SEMA3F: variants seen among roughly 807,000 people sequenced by gnomAD.
SEMA3F encodes semaphorin 3F.
In SEMA3F, 30 loss-of-function variants were observed where a neutral mutation model predicts 98.5. The ratio of observed to expected loss-of-function variants is 0.30; its 90% confidence interval spans 0.23 to 0.41. SEMA3F has a LOEUF of 0.41. SEMA3F is among the 10% of genes least tolerant of loss of function. The pLI, the probability that SEMA3F is intolerant of heterozygous loss-of-function variation, is 1.00. For missense variants in SEMA3F, 866 were observed against 1,119.3 expected (o/e 0.77, Z 3.23); for synonymous variants, 380 against 444.8 (o/e 0.85, Z 1.83).
In SEMA3F at chr3:50,172,341, T is replaced by A. The variant is rs1216378558; in HGVS notation, c.113-1452T>A. Reference sequence around the variant, plus strand: ...ATCCTCATTACAGTGTTCCCTCTTTTGCTGAGCTAAAGATAGCTGGGGGTG... The same window carrying A: ...ATCCTCATTACAGTGTTCCCTCTTTAGCTGAGCTAAAGATAGCTGGGGGTG... On this transcript the variant is annotated intron_variant, in intron 2 of 18. Coordinates refer to ENST00000002829, the MANE Select transcript of SEMA3F (RefSeq NM_004186.5). Among the ~76,000 whole-genome samples, 3 of 152,194 alleles carry A rather than the reference T, an allele frequency of 2.0e-5. No homozygotes were observed. In the East Asian group the frequency reaches 5.8e-4, roughly 29 times the overall value.
chr3:50,173,557 G>A (rs1266240923), intron 2 of SEMA3F: 14 of 529,258 alleles, frequency 2.6e-5, no homozygotes, highest in Admixed American at 1.0e-4. Flanking sequence ...CAGGAGAATC[G>A]CTTGAACCCA....
At chr3:50,172,711 G>A (rs958189511) in intron 2 of SEMA3F, among the ~76,000 whole-genome samples, 1 of 152,150 alleles carries the variant, frequency 6.6e-6, no homozygotes, top group Admixed American at 6.5e-5. Context: ...GGGGTCCGTA[G>A]GGCAGTGTGT....
Position 50,185,717 on chromosome 3 carries a change from T to C in SEMA3F, c.1587+10T>C. 1 of 1,614,158 alleles carries C rather than the reference T, an allele frequency of 6.2e-7. No homozygotes were observed. The highest frequency in any genetic ancestry group is 8.5e-7 in the Non-Finnish European group (1 of 1,179,988). Reference sequence around the variant, plus strand: ...CATCTCTTCTAAGAGGGTAAGCCTTTGGCGAGGTGAGCCAAGGTTGGGGAC... The same window carrying C: ...CATCTCTTCTAAGAGGGTAAGCCTTCGGCGAGGTGAGCCAAGGTTGGGGAC... On this transcript the variant is annotated intron_variant, in intron 15 of 18. Transcript: ENST00000002829.
chr3:50,161,061 A>G (rs1698187820), intron 2 of SEMA3F, among the ~76,000 whole-genome samples: 1 of 152,130 alleles, frequency 6.6e-6, no homozygotes, highest in Admixed American at 6.5e-5. Context: ...TTCAGAGCAG[A>G]TTAATAAATC....
At chr3:50,186,879 C>T (rs1334212028) in intron 18 of SEMA3F, 133 bp downstream of exon 18, 1 of 986,210 alleles carries the variant, frequency 1.0e-6, no homozygotes, top group Non-Finnish European at 1.4e-6. Flanking sequence ...CATGCAAATC[C>T]TTTGAGTGAA....
At chr3:50,157,983 A>G (rs1698060675) in intron 1 of SEMA3F, among the ~76,000 whole-genome samples, 3 of 152,132 alleles carry the variant, frequency 2.0e-5, no homozygotes, top group Non-Finnish European at 4.4e-5. Context: ...GCCCCACCCC[A>G]CTAGCAGGTC....
At chr3:50,183,146 G>A (rs749540187) in intron 10 of SEMA3F, 40 bp from the exon 11 acceptor site, 16 of 1,604,150 alleles carry the variant, frequency 1.0e-5, no homozygotes, top group East Asian at 2.2e-5. Flanking sequence ...AGGGGCTCCC[G>A]CCCATGGCAC....
intron 13 of SEMA3F, among the ~76,000 whole-genome samples, chr3:50,185,058 ATG>A (rs1277477568): frequency 1.3e-5 from 2 of 152,142 alleles, no homozygotes; most frequent in East Asian, 3.9e-4. Context: ...CTGGGGACTT[ATG>A]TATGTATGGC....
In SEMA3F at chr3:50,183,207, C is replaced by T. The variant is rs1298067343; in HGVS notation, c.1040C>T (p.Thr347Ile). The change falls in exon 11 of 19, where the codon ACC (threonine) becomes ATC (isoleucine). Residue 347 changes from threonine to isoleucine, a missense_variant. Thr to Ile is a moderately conservative substitution (Grantham distance 89). This residue lies in a region of SEMA3F where 374 missense variants were observed against 582.8 expected (regional missense o/e 0.64). Coordinates refer to ENST00000002829, the MANE Select transcript of SEMA3F (RefSeq NM_004186.5). The stretch of plus-strand genomic sequence containing the variant: ...CCAGAGGACGTGTTTGTCCAGCAGA[C>T]CCAGGACGTGAGGAACCCTGTCATT... ...DELQDVFVQQ[T>I]QDVRNPVIYA... 6.2e-7 allele frequency: 1 copy of T among 1,614,018 alleles called. No individual in the cohort carries two copies. The highest frequency in any genetic ancestry group is 8.5e-7 in the Non-Finnish European group (1 of 1,180,006).
At chr3:50,184,285 A>C in intron 12 of SEMA3F, 1 of 434,820 alleles carries the variant, frequency 2.3e-6, no homozygotes. Context: ...AGGAACAACC[A>C]GAGAGGAAGG....
chr3:50,174,555 A>C (rs760068952), intron 5 of SEMA3F, among the ~76,000 whole-genome samples: 1 of 152,256 alleles, frequency 6.6e-6, no homozygotes, highest in Non-Finnish European at 1.5e-5. Flanking sequence ...CGGTGTGAGG[A>C]GGAGGCAGTG....
chr3:50,162,433 T>C (rs1467600037), intron 2 of SEMA3F, among the ~76,000 whole-genome samples: 1 of 152,152 alleles, frequency 6.6e-6, no homozygotes, highest in African/African-American at 2.4e-5. Flanking sequence ...CAAATGGAGA[T>C]TTCCAGGAGC....
rs565856671 is a variant in SEMA3F, at chr3:50,182,760, G to A, written c.880G>A (p.Ala294Thr). 30 of 1,612,994 alleles carry A rather than the reference G, an allele frequency of 1.9e-5. No individual in the cohort carries two copies. The African/African-American group carries it at 1.9e-4, about 10-fold the overall frequency. ...AEAPQSPAVY[A>T]RIGRICLNDD... ...GGCGCCGCAGAGCCCCGCGGTGTAC[G>A]CCCGCATCGGGCGCATTTGCCTGGT... The change falls in exon 9 of 19, where the codon GCC (alanine) becomes ACC (threonine). Residue 294 changes from alanine to threonine, a missense_variant. Coordinates refer to ENST00000002829, the MANE Select transcript of SEMA3F (RefSeq NM_004186.5). This position sits in a 1 kb window ranked among gnomAD's most constrained non-coding sequence, Gnocchi z 4.5.
At chr3:50,175,307 C>G in intron 6 of SEMA3F, 119 bp downstream of exon 6, 1 of 697,290 alleles carries the variant, frequency 1.4e-6, no homozygotes. Flanking sequence ...TGCCCACACC[C>G]TGTCCCCACC....
intron 7 of SEMA3F, among the ~76,000 whole-genome samples, chr3:50,181,989 T>C (rs72931482): frequency 0.02 from 3,055 of 152,358 alleles, 106 homozygotes; most frequent in African/African-American, 0.07. Context: ...ACAGTGGTGT[T>C]GGCAGCTCTT....
chr3:50,155,521 C>A lies in SEMA3F; in HGVS notation c.-92C>A, dbSNP rs895861996. The A allele has an allele frequency of 2.6e-4, 81 of 307,554 alleles. No homozygotes were observed. The highest frequency in any genetic ancestry group is 3.6e-4 in the Non-Finnish European group (61 of 168,024). 19.1% of individuals were successfully genotyped at this position (307,554 alleles called of 1,614,324 possible). A position where few individuals can be genotyped will look rare whatever the true frequency, so the allele number is the denominator to read the frequency against. ...CGGCCCAACGGGAGCCGCTCCGTGC[C>A]GCCGCCGCCGCCCGGGCGCCCAGGC... On this transcript the variant is annotated 5_prime_UTR_variant, in exon 1 of 19. Transcript: ENST00000002829. The surrounding 1 kb of genome is among the most constrained non-coding windows in gnomAD (Gnocchi z 4.9).
In SEMA3F at chr3:50,183,239, G is replaced by A. The variant is rs1201654175; in HGVS notation, c.1072G>A (p.Val358Ile). The change falls in exon 11 of 19, where the codon GTC (valine) becomes ATC (isoleucine). Residue 358 changes from valine (V) to isoleucine (I), a missense_variant. Val to Ile is a conservative substitution (Grantham distance 29). Coordinates refer to ENST00000002829, the MANE Select transcript of SEMA3F (RefSeq NM_004186.5). ...QDVRNPVIYA[V>I]FTSSGSVFRG... ...CGTGAGGAACCCTGTCATTTACGCTGTCTTTACCTCCTCTGGGTGAGGCTG... is the reference window on the plus strand; with the variant it reads ...CGTGAGGAACCCTGTCATTTACGCTATCTTTACCTCCTCTGGGTGAGGCTG... 2 of 1,614,010 alleles carry A rather than the reference G, an allele frequency of 1.2e-6. No individual in the cohort carries two copies. Among genetic ancestry groups the A allele is most frequent in the Non-Finnish European group, 1.7e-6 (2 of 1,180,016 alleles).
intron 2 of SEMA3F, among the ~76,000 whole-genome samples, chr3:50,164,330 G>C (rs544734087): frequency 6.6e-6 from 1 of 152,184 alleles, no homozygotes; most frequent in Non-Finnish European, 1.5e-5. Context: ...CCACTGCTTC[G>C]TAATCGTAAA....
chr3:50,157,640 T>C (rs1698039300), intron 1 of SEMA3F, among the ~76,000 whole-genome samples: 1 of 152,188 alleles, frequency 6.6e-6, no homozygotes, highest in African/African-American at 2.4e-5. Flanking sequence ...TGCCAGGCTG[T>C]CCAAGAGGGG....
Sources: allele counts gnomAD v4.1 joint callset (sites outside exome capture counted in the v4.1 genomes callset), GRCh38; gene constraint gnomAD v4.1.1; regional missense constraint gnomAD v4.1.1; non-coding constraint Gnocchi (gnomAD v3.1); transcripts MANE v1.5; gene names NCBI Gene and HGNC (gene_info 2026-07-23, HGNC 2026-07-21).